The following KIF21B variants were observed in gnomAD, a reference collection of about 807,000 sequenced individuals.
KIF21B encodes the protein kinesin family member 21B.
A neutral mutation model predicts 192.9 loss-of-function variants in KIF21B; 85 were observed. The observed-to-expected ratio is 0.44, with a 90% confidence interval of 0.37 to 0.53. The LOEUF is 0.53. Ranked by LOEUF, KIF21B falls within the 20% of genes least tolerant of loss-of-function variation. The pLI, the probability that KIF21B is intolerant of heterozygous loss-of-function variation, is 0.00. For missense variants in KIF21B, 1,716 were observed against 2,194.8 expected (o/e 0.78, Z 4.36); for synonymous variants, 832 against 884.6 (o/e 0.94, Z 1.05).
At chr1:201,006,255 G>T (rs748002330) in intron 3 of KIF21B, among the ~76,000 whole-genome samples, 5 of 152,226 alleles carry the variant, frequency 3.3e-5, no homozygotes, top group Non-Finnish European at 7.3e-5. Context: ...TCCTGGAGAG[G>T]GCCTGGTGAG....
chr1:201,014,955 C>G (rs955332914), intron 1 of KIF21B, among the ~76,000 whole-genome samples: 1 of 152,230 alleles, frequency 6.6e-6, no homozygotes, highest in Non-Finnish European at 1.5e-5. Context: ...AACACCATCA[C>G]ACTTGGCTTA....
chr1:200,990,925 A>G lies in KIF21B; in HGVS notation c.2679T>C (p.Arg893=). 6.2e-7 allele frequency: 1 copy of G among 1,614,084 alleles called. No individual in the cohort carries two copies. The highest frequency in any genetic ancestry group is 8.5e-7 in the Non-Finnish European group (1 of 1,180,030). Reference sequence around the variant, plus strand: ...CTGCCAGTCCACCTTACCGGGCAGGACGGGTGCCATTGACAGTGGGCGCAG... The same window carrying G: ...CTGCCAGTCCACCTTACCGGGCAGGGCGGGTGCCATTGACAGTGGGCGCAG... ...DHPAPTVNGT[R]PARKKFQKKG... is the part of the protein sequence containing the mutation. Residue 893 remains arginine, a synonymous_variant, in exon 18 of 35, where the codon CGT becomes CGC. Transcript: ENST00000461742. This position sits in a 1 kb window ranked among gnomAD's most constrained non-coding sequence, Gnocchi z 5.4.
At chr1:200,989,921 C>A in intron 21 of KIF21B, 21 bp downstream of exon 21, 2 of 1,593,792 alleles carry the variant, frequency 1.3e-6, no homozygotes, top group South Asian at 2.2e-5. Flanking sequence ...AGCCCCCTGC[C>A]CATGTACGCT....
At chr1:201,004,477 ACTCAG>A (rs750032157) in intron 6 of KIF21B, 22 bp from the exon 7 acceptor site, 1 of 1,543,720 alleles carries the variant, frequency 6.5e-7, no homozygotes, top group East Asian at 2.4e-5. Flanking sequence ...AGACCCTGGC[ACTCAG>A]CAGTCACTCA....
In KIF21B at chr1:200,977,375, A is replaced by C. The variant is rs1655628893; in HGVS notation, c.4162T>G (p.Ser1388Ala). ...TCCCCTGAGATCACCTGGCCCGAGG[A>C]CCTGCCCATCGGAGAAAGGCAAGGC... ...DSAKCIRTLT[S>A]SGQVISGDAC... The change falls in exon 31 of 35, where the codon TCC becomes GCC. Residue 1388 changes from serine to alanine, a missense_variant and splice_region_variant. Around this residue, in one of 3 missense-constraint regions of KIF21B, gnomAD observed 580 missense variants for 775.5 expected, o/e 0.75. Transcript: ENST00000461742. 3 of 1,613,570 alleles carry C rather than the reference A, an allele frequency of 1.9e-6. No individual in the cohort carries two copies. In the South Asian group the frequency reaches 3.3e-5, roughly 18 times the overall value.
Position 201,005,606 on chromosome 1 carries a change from T to G in KIF21B, c.536A>C (p.Asp179Ala), listed in dbSNP as rs751746820. Reference protein sequence around the residue: ...HRRSNIKIHEDANGGIYTTGV... With the variant: ...HRRSNIKIHEAANGGIYTTGV... ...AGTGGTGTAGATGCCACCGTTTGCG[T>G]CCTCGTGGATCTTGATGTTGGACCT... The change falls in exon 4 of 35, where the codon GAC becomes GCC. Residue 179 changes from aspartate to alanine, a missense_variant. Physicochemically the swap from Asp to Ala is moderately radical, Grantham distance 126. Transcript: ENST00000461742. The G allele has an allele frequency of 6.2e-7, 1 of 1,613,718 alleles. No homozygotes were observed. Among genetic ancestry groups the G allele is most frequent in the African/African-American group, 1.3e-5 (1 of 74,780 alleles).
chr1:200,988,495 G>T lies in KIF21B; in HGVS notation c.3348C>A (p.Gly1116=), dbSNP rs1018648832. The T allele has an allele frequency of 7.1e-7, 1 of 1,407,108 alleles. No individual in the cohort carries two copies. Among genetic ancestry groups the T allele is most frequent in the African/African-American group, 1.5e-5 (1 of 67,410 alleles). 87.2% of individuals were successfully genotyped at this position (1,407,108 alleles called of 1,614,324 possible). ...TDEEISEFSE[G]SFSQSFTMKG... ...TCACTCCCAGCTTGCAAACTCACCT[G>T]CCCTCAGAGAACTCTGAGATCTCCT... Residue 1116 remains glycine, a splice_region_variant and synonymous_variant, in exon 23 of 35, where the codon GGC becomes GGA. Coordinates refer to ENST00000461742, the MANE Select transcript of KIF21B (RefSeq NM_001252102.2).
At chr1:200,985,734 T>TTTCTTTTCCTTCCTTCCTTCC (rs1030333883) in intron 26 of KIF21B, among the ~76,000 whole-genome samples, 1 of 151,432 alleles carries the variant, frequency 6.6e-6, no homozygotes, top group Non-Finnish European at 1.5e-5. Context: ...TTCTTTCTTC[T>TTTCTTTTCCTTCCTTCCTTCC]TTCTTTTCCT....
At chr1:200,984,299 T>C (rs568209126) in intron 27 of KIF21B, among the ~76,000 whole-genome samples, 2 of 152,330 alleles carry the variant, frequency 1.3e-5, no homozygotes, top group East Asian at 1.9e-4. Context: ...ATCACATATA[T>C]GAAAGCAGGT....
In KIF21B at chr1:201,001,107, C is replaced by CA. The variant is rs1280885895; in HGVS notation, c.1403-328dup. Among the ~76,000 whole-genome samples the CA allele has an allele frequency of 8.6e-5, 9 of 104,982 alleles. No individual in the cohort carries two copies. The South Asian group carries it at 2.2e-3, about 25-fold the overall frequency. The allele number at this position is 104,982 out of a possible 152,430, so 68.9% of individuals were successfully genotyped here. On this transcript the variant is annotated intron_variant, in intron 9 of 34. Transcript: ENST00000461742. The stretch of plus-strand genomic sequence containing the variant: ...GGGCAACAAGAGCGAAACTCCGTCT[C>CA]AGAAAAAAAAAAAAAAAAAAGATAA...
intron 17 of KIF21B, 102 bp from the exon 18 acceptor site, chr1:200,991,251 G>T: frequency 1.1e-6 from 1 of 899,088 alleles, no homozygotes; most frequent in Non-Finnish European, 1.8e-6. Flanking sequence ...CACAGAGGCT[G>T]CTCTGTGCTG....
intron 1 of KIF21B, among the ~76,000 whole-genome samples, chr1:201,016,277 C>T (rs933571211): frequency 6.6e-5 from 10 of 152,226 alleles, no homozygotes; most frequent in East Asian, 1.9e-4. Context: ...ACTGATCCTA[C>T]GGACAGCTGC....
chr1:201,020,106 C>T (rs1407736997), intron 1 of KIF21B, among the ~76,000 whole-genome samples: 1 of 151,878 alleles, frequency 6.6e-6, no homozygotes, highest in Non-Finnish European at 1.5e-5. Flanking sequence ...TGGCCAAGCA[C>T]CGCCAAGCAG....
chr1:200,999,244 G>T lies in KIF21B; in HGVS notation c.1885+105C>A. ...TGTCATTGGTTTCACGTCTGGGAGT[G>T]CTGGGGCCTGGACACCATTATCTTT... is the stretch of plus-strand genomic sequence containing the variant. On this transcript the variant is annotated intron_variant, in intron 13 of 34. Transcript: ENST00000461742. The surrounding 1 kb of genome is among the most constrained non-coding windows in gnomAD (Gnocchi z 4.7). The T allele has an allele frequency of 7.3e-7, 1 of 1,364,496 alleles. No homozygotes were observed. The highest frequency in any genetic ancestry group is 1.0e-6 in the Non-Finnish European group (1 of 959,150). The allele number at this position is 1,364,496 out of a possible 1,614,324, so 84.5% of individuals were successfully genotyped here.
chr1:200,983,625 C>T (rs1656097215), intron 27 of KIF21B, among the ~76,000 whole-genome samples: 1 of 152,186 alleles, frequency 6.6e-6, no homozygotes, highest in Admixed American at 6.5e-5. Flanking sequence ...TGGCTGTGCA[C>T]CATGCACAGG....
chr1:200,987,388 G>A (rs11806994), intron 24 of KIF21B, among the ~76,000 whole-genome samples, 187 bp from the exon 25 acceptor site: 38,912 of 150,170 alleles, frequency 0.26, 5,977 homozygotes, highest in African/African-American at 0.43. Context: ...CTACAGGCAC[G>A]TGCCACCATA....
At chr1:200,996,496 C>T (rs769850422) in intron 14 of KIF21B, 101 bp from the exon 15 acceptor site, 4 of 1,044,836 alleles carry the variant, frequency 3.8e-6, no homozygotes, top group Non-Finnish European at 5.8e-6. Flanking sequence ...GTTCCAGTCT[C>T]ATTGTATGAC....
At chr1:201,002,597 T>C (rs936322275) in intron 8 of KIF21B, 2 of 500,832 alleles carry the variant, frequency 4.0e-6, no homozygotes, top group Non-Finnish European at 7.2e-6. Flanking sequence ...CCTCTCACAA[T>C]CTTACTTGAC....
rs974417327 is a variant in KIF21B, at chr1:200,973,787, G to A, written c.4815-209C>T. On this transcript the variant is annotated intron_variant, in intron 34 of 34. Coordinates refer to ENST00000461742, the MANE Select transcript of KIF21B (RefSeq NM_001252102.2). ...CCTGTGCACTCAGAGGCCCCCAGGG[G>A]AGCTTTGTCATGGGTTTTCTTTTTT... 4.9e-6 allele frequency: 7 copies of A among 1,440,942 alleles called. No individual in the cohort carries two copies. The African/African-American group carries it at 7.2e-5, about 15-fold the overall frequency. The allele number at this position is 1,440,942 out of a possible 1,614,324, so 89.3% of individuals were successfully genotyped here.
Sources: gnomAD v4.1 joint callset for allele counts (sites outside exome capture counted in the v4.1 genomes callset) on GRCh38, gnomAD v4.1.1 for gene constraint, gnomAD v4.1.1 regional missense constraint, Gnocchi (gnomAD v3.1) non-coding constraint, MANE v1.5 for transcripts, NCBI Gene and HGNC (gene_info 2026-07-23, HGNC 2026-07-21) for gene names.